The following ZIM2 variants were observed in gnomAD, a reference collection of about 807,000 sequenced individuals.
ZIM2 encodes zinc finger imprinted 2, also known as zinc finger protein 656.
ZIM2 carries 14 observed loss-of-function variants against 38.6 expected under a neutral mutation model. The observed-to-expected ratio is 0.36, with a 90% CI of 0.24 to 0.57. The LOEUF is 0.57. ZIM2 is among the 20% of genes least tolerant of loss of function. ZIM2 has a pLI of 0.81. For synonymous variants in ZIM2, 247 were observed against 245.8 expected, an observed-to-expected ratio of 1.00 and a Z score of -0.04; for missense variants, 680 against 695.1, an observed-to-expected ratio of 0.98 and a Z score of 0.24.
chr19:56,781,315 T>C (rs1451962046), intron 11 of ZIM2, among the ~76,000 whole-genome samples: 1 of 151,808 alleles, frequency 6.6e-6, no homozygotes, highest in Non-Finnish European at 1.5e-5. Flanking sequence ...AGCTTGGCAC[T>C]GGCAACGTAA....
intron 9 of ZIM2, among the ~76,000 whole-genome samples, chr19:56,809,466 C>T (rs1396057723): frequency 2.6e-5 from 4 of 152,122 alleles, no homozygotes; most frequent in Non-Finnish European, 4.4e-5. Context: ...CCACTGTGGT[C>T]GCCAACAGGG....
At chr19:56,776,475 C>A (rs920285964) in intron 12 of ZIM2, among the ~76,000 whole-genome samples, 9 of 152,166 alleles carry the variant, frequency 5.9e-5, no homozygotes, top group Non-Finnish European at 1.0e-4. Context: ...AGTGATCTTG[C>A]TATGAAACAT....
chr19:56,814,309 A>G lies in ZIM2; in HGVS notation c.490+3437T>C. 1 of 1,614,152 alleles carries G rather than the reference A, an allele frequency of 6.2e-7. No individual in the cohort carries two copies. Reference sequence around the variant, plus strand: ...CCTCAGAACTACTTGTGGAACATGGACATTGGCTTCAACTTCCTGGGCTGC... The same window carrying G: ...CCTCAGAACTACTTGTGGAACATGGGCATTGGCTTCAACTTCCTGGGCTGC... On this transcript the variant is annotated intron_variant, in intron 9 of 12. Coordinates refer to ENST00000629319, the MANE Select transcript of ZIM2 (RefSeq NM_001387356.1). The surrounding 1 kb of genome is among the most constrained non-coding windows in gnomAD (Gnocchi z 5.8).
intron 9 of ZIM2, among the ~76,000 whole-genome samples, chr19:56,801,187 C>T (rs1341726863): frequency 1.3e-5 from 2 of 152,050 alleles, no homozygotes; most frequent in East Asian, 1.9e-4. Context: ...CCACCTGCCT[C>T]GCCCTCCCAA....
chr19:56,786,099 T>C (rs1029770071), intron 10 of ZIM2, among the ~76,000 whole-genome samples: 4 of 152,166 alleles, frequency 2.6e-5, no homozygotes, highest in African/African-American at 9.7e-5. Context: ...TATGTCTCCA[T>C]GGATTTGCTG....
intron 10 of ZIM2, among the ~76,000 whole-genome samples, chr19:56,784,551 A>G (rs994594602): frequency 2.0e-5 from 3 of 152,190 alleles, no homozygotes; most frequent in African/African-American, 7.2e-5. Context: ...TAAGACTGCT[A>G]TCTTACTGTT....
chr19:56,817,213 C>T lies in ZIM2; in HGVS notation c.490+533G>A, dbSNP rs771640324. 9 of 1,614,064 alleles carry T rather than the reference C, an allele frequency of 5.6e-6. No homozygotes were observed. Among genetic ancestry groups the T allele is most frequent in the African/African-American group, 5.3e-5 (4 of 74,942 alleles). ...ACATTCAAAGGGCTTCTTCCTGGGA[C>T]AGCCTTTTTGATCGTGAATCGAGCC... On this transcript the variant is annotated intron_variant, in intron 9 of 12. Coordinates refer to ENST00000629319, the MANE Select transcript of ZIM2 (RefSeq NM_001387356.1).
Position 56,826,472 on chromosome 19 carries a change from G to A in ZIM2, c.-226-9C>T, listed in dbSNP as rs181537786. 6.6e-6 allele frequency: 1 copy of A among 152,222 alleles called. No homozygotes were observed. The highest frequency in any genetic ancestry group is 1.9e-4 in the East Asian group (1 of 5,200). The allele number at this position is 152,222 out of a possible 1,614,324, so 9.4% of individuals were successfully genotyped here. A position where few individuals can be genotyped will look rare whatever the true frequency, so the allele number is the denominator to read the frequency against. On this transcript the variant is annotated splice_polypyrimidine_tract_variant and intron_variant, in intron 2 of 12. Transcript: ENST00000629319. ...AGTCAAAACACAGGTATCTGCAGAA[G>A]TTTTAAAGGAAGAAATACACAGACT... is the stretch of plus-strand genomic sequence containing the variant.
intron 9 of ZIM2, chr19:56,798,275 T>C (rs1225045025): frequency 6.6e-6 from 1 of 152,164 alleles, no homozygotes; most frequent in Non-Finnish European, 1.5e-5. Flanking sequence ...TGAGTTCGTA[T>C]TGCATCTCAT....
chr19:56,818,702 C>A lies in ZIM2; in HGVS notation c.295G>T (p.Asp99Tyr). The A allele has an allele frequency of 6.2e-7, 1 of 1,614,132 alleles. No individual in the cohort carries two copies. Among genetic ancestry groups the A allele is most frequent in the South Asian group, 1.1e-5 (1 of 91,080 alleles). The change falls in exon 8 of 13, where the codon GAT becomes TAT. Residue 99 changes from aspartate to tyrosine, a missense_variant and splice_region_variant. Asp to Tyr is a radical substitution (Grantham distance 160, BLOSUM62 -3). Transcript: ENST00000629319. Reference sequence around the variant, plus strand: ...ACCACATTTTGGTATGATTCAGCATCCTAAAACAGCAAACACAGACCTCTC... The same window carrying A: ...ACCACATTTTGGTATGATTCAGCATACTAAAACAGCAAACACAGACCTCTC... ...DSRAYESRSQDAESYQNVVDL... is the reference protein window; with the variant it reads ...DSRAYESRSQYAESYQNVVDL...
intron 10 of ZIM2, among the ~76,000 whole-genome samples, chr19:56,784,834 AAAAAT>A (rs2046514108): frequency 6.6e-6 from 1 of 152,206 alleles, no homozygotes; most frequent in East Asian, 1.9e-4. Flanking sequence ...TTGATACTAT[AAAAAT>A]AAAAAGGCAG....
At chr19:56,808,770 G>A (rs1257064884) in intron 9 of ZIM2, among the ~76,000 whole-genome samples, 2 of 152,284 alleles carry the variant, frequency 1.3e-5, no homozygotes, top group South Asian at 2.1e-4. Context: ...AGAAACCAAG[G>A]GCAGGCAGTT....
intron 9 of ZIM2, chr19:56,817,208 T>G (rs1283675857): frequency 3.1e-6 from 5 of 1,614,220 alleles, no homozygotes; most frequent in Non-Finnish European, 4.2e-6. Context: ...GGCTTCTTCC[T>G]GGGACAGCCT....
chr19:56,818,845 A>C, intron 7 of ZIM2, 143 bp from the exon 8 acceptor site: 1 of 929,572 alleles, frequency 1.1e-6, no homozygotes. Flanking sequence ...GATCCAAGTC[A>C]AGTGTTACTA....
At chr19:56,802,091 G>C (rs2047553787) in intron 9 of ZIM2, among the ~76,000 whole-genome samples, 1 of 152,214 alleles carries the variant, frequency 6.6e-6, no homozygotes, top group South Asian at 2.1e-4. Flanking sequence ...TCTGAAGGGA[G>C]GGGGAAGAGG....
At chr19:56,802,195 TC>T (rs1173860285) in intron 9 of ZIM2, among the ~76,000 whole-genome samples, 1 of 151,996 alleles carries the variant, frequency 6.6e-6, no homozygotes, top group Admixed American at 6.6e-5. Context: ...CAGGTGTCCA[TC>T]CCCCAGGAGC....
chr19:56,823,171 C>T (rs2060666579), intron 5 of ZIM2, among the ~76,000 whole-genome samples: 1 of 152,132 alleles, frequency 6.6e-6, no homozygotes, highest in African/African-American at 2.4e-5. Context: ...AGACCCCCTA[C>T]TGTCTGGCAG....
intron 9 of ZIM2, among the ~76,000 whole-genome samples, chr19:56,809,413 T>C (rs917149521): frequency 6.6e-6 from 1 of 152,208 alleles, no homozygotes; most frequent in African/African-American, 2.4e-5. Context: ...CTCCGACTTA[T>C]GGAATCAGGG....
chr19:56,809,281 G>A (rs1316156984), intron 9 of ZIM2, among the ~76,000 whole-genome samples: 1 of 152,300 alleles, frequency 6.6e-6, no homozygotes, highest in South Asian at 2.1e-4. Context: ...ATGAAAGAAT[G>A]CAGGACTCTG....
Sources: allele counts gnomAD v4.1 joint callset (sites outside exome capture counted in the v4.1 genomes callset), GRCh38; gene constraint gnomAD v4.1.1; non-coding constraint Gnocchi (gnomAD v3.1); transcripts MANE v1.5; gene names NCBI Gene and HGNC (gene_info 2026-07-23, HGNC 2026-07-21).